KCTD3: variants seen among roughly 807,000 people sequenced by gnomAD.
KCTD3 encodes the protein BTB/POZ domain-containing protein KCTD3.
In KCTD3, 41 loss-of-function variants were observed where a neutral mutation model predicts 85.8. That is an observed-to-expected ratio of 0.48 (90% CI 0.37 to 0.62). The LOEUF (loss-of-function observed/expected upper bound fraction) is 0.62, where lower values mean the gene tolerates loss of function less well. Ranked by LOEUF, KCTD3 falls within the 20% of genes least tolerant of loss-of-function variation. The probability of loss-of-function intolerance (pLI) is 0.00; values close to 1 mark genes in which losing one functional copy is unlikely to be tolerated. For missense variants in KCTD3, 724 were observed against 989.9 expected, an observed-to-expected ratio of 0.73 and a Z score of 3.60; for synonymous variants, 338 against 345.4, an observed-to-expected ratio of 0.98 and a Z score of 0.24.
rs139829679 is a variant in KCTD3 at position 215,592,899 on chromosome 1, C to T, written c.818-2457C>T. Among the ~76,000 whole-genome samples, 505 of 152,266 alleles carry T rather than the reference C, an allele frequency of 3.3e-3. 3 individuals are homozygous for T. Among genetic ancestry groups the T allele is most frequent in the African/African-American group, 0.012 (479 of 41,544 alleles). On this transcript the variant is annotated intron_variant, in intron 9 of 17. Coordinates refer to ENST00000259154, the MANE Select transcript of KCTD3 (RefSeq NM_016121.5). ...ACTGGTCATTACTTCTGTTGTCTTC[C>T]CTGTCACTGGTGCTCAGGATTGTTT... is the stretch of plus-strand genomic sequence containing the variant.
chr1:215,599,376 A>C (rs1654739400), intron 10 of KCTD3, among the ~76,000 whole-genome samples: 1 of 152,210 alleles, frequency 6.6e-6, no homozygotes, highest in African/African-American at 2.4e-5. Context: ...TCCTGTAAAA[A>C]ATAATGATAA....
At chr1:215,567,898 C>T (rs978725108) in intron 1 of KCTD3, 130 bp downstream of exon 1, 8 of 554,824 alleles carry the variant, frequency 1.4e-5, no homozygotes, top group African/African-American at 7.8e-5. Context: ...AACGTGGGGG[C>T]CTCCAGGCGG....
At chr1:215,614,018 GTT>G (rs577770912) in intron 15 of KCTD3, among the ~76,000 whole-genome samples, 19 of 66,282 alleles carry the variant, frequency 2.9e-4, no homozygotes, top group African/African-American at 1.1e-3. Context: ...CTTTAGAATA[GTT>G]TTTTTTTTTT....
rs548305418 is a variant in KCTD3 at position 215,574,360 on chromosome 1, A to G, written c.183+242A>G. On this transcript the variant is annotated intron_variant, in intron 3 of 17. Coordinates refer to ENST00000259154, the MANE Select transcript of KCTD3 (RefSeq NM_016121.5). ...GAGAGATTGTAGGATATGAGCTTAC[A>G]TTGGCATTAGAAGAAATTTTTTTAG... 1.6e-3 allele frequency among the ~76,000 whole-genome samples: 250 copies of G among 152,276 alleles called. 1 individual carries two copies. Among genetic ancestry groups the G allele is most frequent in the African/African-American group, 5.7e-3 (238 of 41,576 alleles).
chr1:215,616,535 C>T (rs558063918), intron 15 of KCTD3, among the ~76,000 whole-genome samples: 16 of 152,110 alleles, frequency 1.1e-4, no homozygotes, highest in Admixed American at 4.6e-4. Context: ...CTGAGGTGGG[C>T]GGATCACCTG....
rs920421090 is a variant in KCTD3 at position 215,606,160 on chromosome 1, G to A, written c.1310-1857G>A. 3.9e-5 allele frequency among the ~76,000 whole-genome samples: 6 copies of A among 152,000 alleles called. No individual in the cohort carries two copies. In the South Asian group the frequency reaches 6.2e-4, roughly 16 times the overall value. ...TTTTCTATTTCTTAAAAATGCCTTCGAACTTTTGTGTTTGTTCTTTTTATT... is the reference window on the plus strand; with the variant it reads ...TTTTCTATTTCTTAAAAATGCCTTCAAACTTTTGTGTTTGTTCTTTTTATT... On this transcript the variant is annotated intron_variant, in intron 13 of 17. Coordinates refer to ENST00000259154, the MANE Select transcript of KCTD3 (RefSeq NM_016121.5).
chr1:215,604,446 T>C (rs1654938565), intron 13 of KCTD3, 144 bp downstream of exon 13: 2 of 677,104 alleles, frequency 3.0e-6, no homozygotes, highest in South Asian at 2.0e-5. Flanking sequence ...TATGATTGTC[T>C]TTTAAAGATT....
intron 9 of KCTD3, among the ~76,000 whole-genome samples, chr1:215,592,842 A>G (rs1022551184): frequency 2.0e-5 from 3 of 152,158 alleles, no homozygotes; most frequent in Non-Finnish European, 2.9e-5. Context: ...GCTATAAGCA[A>G]TATTTTACCA....
chr1:215,577,569 T>C, intron 4 of KCTD3, 101 bp from the exon 5 acceptor site: 1 of 741,832 alleles, frequency 1.3e-6, no homozygotes, highest in South Asian at 1.5e-5. Context: ...TTTAAAGCCT[T>C]ATGACTATAT....
At chr1:215,594,894 G>GT (rs1040554295) in intron 9 of KCTD3, among the ~76,000 whole-genome samples, 6 of 152,060 alleles carry the variant, frequency 3.9e-5, no homozygotes, top group Non-Finnish European at 8.8e-5. Flanking sequence ...ATTCTAGATA[G>GT]TTAAGGCTGC....
At chr1:215,586,425 TGCA>T in intron 8 of KCTD3, 67 bp from the exon 9 acceptor site, 1 of 1,210,042 alleles carries the variant, frequency 8.3e-7, no homozygotes, top group Non-Finnish European at 1.1e-6. Context: ...TTGTTTTTGG[TGCA>T]TTGATGTGTA....
In KCTD3 at chr1:215,604,243, T is replaced by C. The variant is rs1571893264; in HGVS notation, c.1250T>C (p.Phe417Ser). ...VGSGPQLFQT[F>S]TVHRSPVTKI... Reference sequence around the variant, plus strand: ...TCAGGTCCTCAGCTTTTTCAGACTTTCACAGTTCACCGAAGTCCCGTAACA... The same window carrying C: ...TCAGGTCCTCAGCTTTTTCAGACTTCCACAGTTCACCGAAGTCCCGTAACA... Residue 417 changes from phenylalanine (F) to serine (S), a missense_variant, in exon 13 of 18, where the codon TTC becomes TCC. Physicochemically the swap from Phe to Ser is radical, Grantham distance 155. Transcript: ENST00000259154. 1.9e-6 allele frequency: 3 copies of C among 1,613,950 alleles called. No individual in the cohort carries two copies. The South Asian group carries it at 3.3e-5, about 18-fold the overall frequency.
chr1:215,580,970 A>G (rs1659797864), intron 8 of KCTD3: 1 of 467,596 alleles, frequency 2.1e-6, no homozygotes, highest in South Asian at 1.6e-5. Flanking sequence ...TTATGTTTTA[A>G]GAGTGTTTTG....
chr1:215,611,685 T>A (rs1221144401), intron 14 of KCTD3, 140 bp from the exon 15 acceptor site: 5 of 548,460 alleles, frequency 9.1e-6, no homozygotes, highest in Non-Finnish European at 1.3e-5. Context: ...TTATTGCATG[T>A]CTGATGTTGA....
rs947363629 is a variant in KCTD3 at position 215,567,693 on chromosome 1, G to A, written c.8G>A (p.Gly3Glu). The A allele has an allele frequency of 1.6e-6, 2 of 1,240,434 alleles. No individual in the cohort carries two copies. The highest frequency in any genetic ancestry group is 1.5e-5 in the African/African-American group (1 of 64,560). The allele number at this position is 1,240,434 out of a possible 1,614,324, so 76.8% of individuals were successfully genotyped here. A position where few individuals can be genotyped will look rare whatever the true frequency, so the allele number is the denominator to read the frequency against. The stretch of plus-strand genomic sequence containing the variant: ...CGTCCGGAGCCGCCGGAGATGGCGG[G>A]AGGGCACTGCGGCAGCTTCCCCGCG... MA[G>E]GHCGSFPAAA... Residue 3 changes from glycine to glutamate, a missense_variant, in exon 1 of 18, where the codon GGA (glycine) becomes GAA (glutamate). Physicochemically the swap from Gly to Glu is moderately conservative, Grantham distance 98. Coordinates refer to ENST00000259154, the MANE Select transcript of KCTD3 (RefSeq NM_016121.5).
In KCTD3 at chr1:215,620,338, A is replaced by G; in HGVS notation, c.2168A>G (p.Asp723Gly). The change falls in exon 18 of 18, where the codon GAT (aspartate) becomes GGT (glycine). Residue 723 changes from aspartate (D) to glycine (G), a missense_variant. Coordinates refer to ENST00000259154, the MANE Select transcript of KCTD3 (RefSeq NM_016121.5). Reference sequence around the variant, plus strand: ...GAAATAAAAAGTTTGAGAGAATTGGATAGTGGATTGGAAGTGCATAAAATA... The same window carrying G: ...GAAATAAAAAGTTTGAGAGAATTGGGTAGTGGATTGGAAGTGCATAAAATA... ...GVEIKSLRELDSGLEVHKIAE... is the reference protein window; with the variant it reads ...GVEIKSLRELGSGLEVHKIAE... 4 of 1,614,002 alleles carry G rather than the reference A, an allele frequency of 2.5e-6. No homozygotes were observed. The highest frequency in any genetic ancestry group is 1.3e-5 in the African/African-American group (1 of 75,060).
At chr1:215,585,285 T>A (rs1186397540) in intron 8 of KCTD3, among the ~76,000 whole-genome samples, 1 of 152,184 alleles carries the variant, frequency 6.6e-6, no homozygotes, top group African/African-American at 2.4e-5. Flanking sequence ...AGAGGGTGGT[T>A]ACAAATTACA....
chr1:215,587,477 T>G (rs1237698927), intron 9 of KCTD3, among the ~76,000 whole-genome samples: 1 of 152,196 alleles, frequency 6.6e-6, no homozygotes, highest in Non-Finnish European at 1.5e-5. Flanking sequence ...GAAATTAAAA[T>G]GGAAATTTTT....
In KCTD3 at chr1:215,579,319, A is replaced by G. The variant is rs143287621; in HGVS notation, c.535+182A>G. 7.4e-4 allele frequency among the ~76,000 whole-genome samples: 113 copies of G among 152,238 alleles called. No individual in the cohort carries two copies. In the East Asian group the frequency reaches 0.019, roughly 25 times the overall value. On this transcript the variant is annotated intron_variant, in intron 7 of 17. Coordinates refer to ENST00000259154, the MANE Select transcript of KCTD3 (RefSeq NM_016121.5). ...TATTTAAAATGTTGTGTAATCTTCT[A>G]TCTTCTCTGAATCTTTAGAACAGGG...
Sources: gnomAD v4.1 joint callset for allele counts (sites outside exome capture counted in the v4.1 genomes callset) on GRCh38, gnomAD v4.1.1 for gene constraint, MANE v1.5 for transcripts, NCBI Gene and HGNC (gene_info 2026-07-23, HGNC 2026-07-21) for gene names.